CSMD3: variants seen among roughly 807,000 people sequenced by gnomAD.
CSMD3 encodes CUB and sushi domain-containing protein 3.
Under a neutral mutation model 435.2 loss-of-function variants are expected in CSMD3, and 177 were observed. The observed-to-expected ratio is 0.41, with a 90% CI of 0.36 to 0.46. The LOEUF is 0.46. CSMD3 is among the 20% of genes least tolerant of loss of function. CSMD3 has a pLI of 0.34. For synonymous variants in CSMD3, 1,656 were observed against 1,520.5 expected (o/e 1.09, Z -2.07); for missense variants, 4,265 against 4,504.6 (o/e 0.95, Z 1.52).
At chr8:113,024,296 GTGTGTGTGTGTGTGTGTGTGTGTT>G (rs984667216) in intron 5 of CSMD3, among the ~76,000 whole-genome samples, 2 of 816 alleles carry the variant, frequency 2.5e-3, no homozygotes, top group Non-Finnish European at 5.8e-3. Context: ...TATTGTGTGT[GTGTGTGTGTGTGTGTGTGTGTGTT>G]TGTGTGTGTG....
intron 23 of CSMD3, among the ~76,000 whole-genome samples, chr8:112,584,326 CA>C (rs1208920998): frequency 6.6e-6 from 1 of 151,320 alleles, no homozygotes; most frequent in Non-Finnish European, 1.5e-5. Flanking sequence ...TGCCAGTAAT[CA>C]AAACTTAAAA....
At chr8:113,178,673 A>G (rs1477283368) in intron 3 of CSMD3, among the ~76,000 whole-genome samples, 1 of 151,894 alleles carries the variant, frequency 6.6e-6, no homozygotes, top group African/African-American at 2.4e-5. Flanking sequence ...AAGGATAAAA[A>G]GTTAGTTTTT....
intron 6 of CSMD3, among the ~76,000 whole-genome samples, chr8:112,995,075 C>T (rs754487163): frequency 5.9e-5 from 9 of 151,292 alleles, no homozygotes; most frequent in South Asian, 2.1e-4. Flanking sequence ...TATTCTCAGT[C>T]GGAAGAGAAA....
At chr8:112,934,955 G>A (rs2083234091) in intron 9 of CSMD3, among the ~76,000 whole-genome samples, 1 of 151,730 alleles carries the variant, frequency 6.6e-6, no homozygotes, top group Non-Finnish European at 1.5e-5. Context: ...TGTGCTTTTG[G>A]GGTCATATCA....
chr8:113,191,925 T>G (rs2092591780), intron 3 of CSMD3, among the ~76,000 whole-genome samples: 1 of 151,892 alleles, frequency 6.6e-6, no homozygotes, highest in Non-Finnish European at 1.5e-5. Flanking sequence ...ATTTCTTGAC[T>G]TTTTAATAAT....
At chr8:113,322,746 C>T (rs2093957610) in intron 1 of CSMD3, among the ~76,000 whole-genome samples, 1 of 151,910 alleles carries the variant, frequency 6.6e-6, no homozygotes, top group Non-Finnish European at 1.5e-5. Context: ...TTCATTTATA[C>T]TGGCTTTTTT....
chr8:112,280,030 C>G (rs1413162834), intron 59 of CSMD3, among the ~76,000 whole-genome samples: 1 of 152,016 alleles, frequency 6.6e-6, no homozygotes, highest in East Asian at 1.9e-4. Context: ...TTCATTTGAC[C>G]CATTCATCCA....
intron 10 of CSMD3, among the ~76,000 whole-genome samples, chr8:112,865,954 G>C (rs577546389): frequency 6.6e-6 from 1 of 152,026 alleles, no homozygotes; most frequent in African/African-American, 2.4e-5. Flanking sequence ...TTTGGGCTTT[G>C]GTAGCAATTC....
chr8:112,627,027 GC>G (rs1402321915), intron 22 of CSMD3, among the ~76,000 whole-genome samples: 1 of 151,940 alleles, frequency 6.6e-6, no homozygotes, highest in African/African-American at 2.4e-5. Context: ...GCAAATATTA[GC>G]TTTTATTATT....
At chr8:112,279,021 A>G (rs1184631312) in intron 59 of CSMD3, among the ~76,000 whole-genome samples, 1 of 81,942 alleles carries the variant, frequency 1.2e-5, no homozygotes, top group South Asian at 4.2e-4. Flanking sequence ...AAAAACAACA[A>G]CAACAACAAC....
intron 3 of CSMD3, among the ~76,000 whole-genome samples, chr8:113,202,623 C>T (rs1195599162): frequency 6.6e-6 from 1 of 152,094 alleles, no homozygotes; most frequent in Admixed American, 6.6e-5. Flanking sequence ...TCTGCATTCT[C>T]AAAGAACTTG....
Position 112,952,804 on chromosome 8 carries a change from T to A in CSMD3, c.1420+1880A>T, listed in dbSNP as rs1257403192. 2.0e-5 allele frequency among the ~76,000 whole-genome samples: 3 copies of A among 151,556 alleles called. No homozygotes were observed. The East Asian group carries it at 5.8e-4, about 29-fold the overall frequency. ...TAAAATTATGGAGCAAATTAACATT[T>A]TTGCCTCATATTAGCTTTTTGCCTA... is the stretch of plus-strand genomic sequence containing the variant. On this transcript the variant is annotated intron_variant, in intron 8 of 70. Transcript: ENST00000297405.
At chr8:113,379,561 T>G (rs936601901) in intron 1 of CSMD3, among the ~76,000 whole-genome samples, 33 of 152,260 alleles carry the variant, frequency 2.2e-4, no homozygotes, top group African/African-American at 6.7e-4. Context: ...GATTTTTAGC[T>G]CTAGCACCTA....
chr8:112,345,491 C>T (rs1009435513), intron 41 of CSMD3, among the ~76,000 whole-genome samples: 15 of 151,990 alleles, frequency 9.9e-5, no homozygotes, highest in Admixed American at 9.8e-4. Flanking sequence ...AAGTCAGGCA[C>T]AGAAAGACAT....
chr8:112,564,751 G>GT (rs1828934368), intron 24 of CSMD3, among the ~76,000 whole-genome samples: 1 of 152,062 alleles, frequency 6.6e-6, no homozygotes, highest in Non-Finnish European at 1.5e-5. Flanking sequence ...TCTGAAAAAT[G>GT]TAGTTGCCAG....
chr8:112,962,198 T>C (rs1424350124), intron 7 of CSMD3, among the ~76,000 whole-genome samples: 1 of 151,852 alleles, frequency 6.6e-6, no homozygotes, highest in Non-Finnish European at 1.5e-5. Context: ...AGAATACAAG[T>C]GATTTTCTTT....
intron 13 of CSMD3, among the ~76,000 whole-genome samples, chr8:112,769,264 C>A (rs2078054847): frequency 6.6e-6 from 1 of 151,864 alleles, no homozygotes; most frequent in East Asian, 1.9e-4. Flanking sequence ...CTTTTCTGCT[C>A]AAAACCCTCC....
At chr8:112,997,549 A>T (rs531812546) in intron 6 of CSMD3, among the ~76,000 whole-genome samples, 1 of 151,790 alleles carries the variant, frequency 6.6e-6, no homozygotes, top group African/African-American at 2.4e-5. Flanking sequence ...GAATAATGAT[A>T]CAACTGTAAA....
intron 10 of CSMD3, among the ~76,000 whole-genome samples, chr8:112,884,206 T>C (rs1349441938): frequency 1.3e-5 from 2 of 151,858 alleles, no homozygotes; most frequent in African/African-American, 2.4e-5. Context: ...TCAAACAATG[T>C]ACAGACCTTA....
Sources: gnomAD v4.1 joint callset for allele counts (sites outside exome capture counted in the v4.1 genomes callset) on GRCh38, gnomAD v4.1.1 for gene constraint, MANE v1.5 for transcripts, NCBI Gene and HGNC (gene_info 2026-07-23, HGNC 2026-07-21) for gene names.